The following N4BP1 variants were observed in gnomAD, a reference collection of about 807,000 sequenced individuals.
N4BP1 encodes NEDD4-binding protein 1.
Under a neutral mutation model 70.9 loss-of-function variants are expected in N4BP1, and 21 were observed. The observed-to-expected ratio is 0.30, with a 90% CI of 0.21 to 0.43. The LOEUF (loss-of-function observed/expected upper bound fraction) is 0.43, where lower values mean the gene tolerates loss of function less well. Among genes scored for constraint, N4BP1 ranks in the 20% least tolerant of loss-of-function variants. The probability of loss-of-function intolerance (pLI) is 1.00; values close to 1 mark genes in which losing one functional copy is unlikely to be tolerated. For synonymous variants in N4BP1, 387 were observed against 394.6 expected (o/e 0.98, Z 0.23); for missense variants, 936 against 1,069.4 (o/e 0.88, Z 1.74).
intron 3 of N4BP1, among the ~76,000 whole-genome samples, chr16:48,552,646 C>T (rs12935540): frequency 0.38 from 52,978 of 139,516 alleles, 9,758 homozygotes; most frequent in Admixed American, 0.46. Context: ...TGCAGTGAGC[C>T]GAGATCATGC....
In N4BP1 at chr16:48,543,267, A is replaced by C; in HGVS notation, c.2334-6T>G. Reference sequence around the variant, plus strand: ...TGAGTAGGGGCTGCATATCTCTGTGAATGGAAGTGAGTCCTGGTGAGTTGG... The same window carrying C: ...TGAGTAGGGGCTGCATATCTCTGTGCATGGAAGTGAGTCCTGGTGAGTTGG... On this transcript the variant is annotated splice_polypyrimidine_tract_variant and splice_region_variant and intron_variant, in intron 6 of 6. Coordinates refer to ENST00000262384, the MANE Select transcript of N4BP1 (RefSeq NM_153029.4). 6.6e-7 allele frequency: 1 copy of C among 1,506,826 alleles called. No homozygotes were observed. The highest frequency in any genetic ancestry group is 8.9e-7 in the Non-Finnish European group (1 of 1,127,882). The allele number at this position is 1,506,826 out of a possible 1,614,324, so 93.3% of individuals were successfully genotyped here. A position where few individuals can be genotyped will look rare whatever the true frequency, so the allele number is the denominator to read the frequency against.
In N4BP1 at chr16:48,553,582, T is replaced by C. The variant is rs752656675; in HGVS notation, c.1977A>G (p.Val659=). 1 of 1,608,322 alleles carries C rather than the reference T, an allele frequency of 6.2e-7. No homozygotes were observed. Among genetic ancestry groups the C allele is most frequent in the South Asian group, 1.1e-5 (1 of 89,164 alleles). Residue 659 remains valine, a synonymous_variant, in exon 3 of 7, where the codon GTA becomes GTG. Transcript: ENST00000262384. Reference sequence around the variant, plus strand: ...GCCTTGTTCTCCACTGAGGGACAAATACAGTGATGTTTCTGTTGCCAAGCT... The same window carrying C: ...GCCTTGTTCTCCACTGAGGGACAAACACAGTGATGTTTCTGTTGCCAAGCT... ...FWKLGNRNIT[V]FVPQWRTRRD...
chr16:48,584,244 G>C (rs1479726278), intron 1 of N4BP1, among the ~76,000 whole-genome samples: 2 of 152,164 alleles, frequency 1.3e-5, no homozygotes, highest in African/African-American at 4.8e-5. Flanking sequence ...AAGAAAATCT[G>C]GTTTTAGTCT....
At chr16:48,552,133 G>A (rs971184793) in intron 3 of N4BP1, among the ~76,000 whole-genome samples, 1 of 152,116 alleles carries the variant, frequency 6.6e-6, no homozygotes, top group Non-Finnish European at 1.5e-5. Context: ...AGGGGCAAAT[G>A]GTTCTACCAC....
chr16:48,560,499 C>T (rs569823220), intron 2 of N4BP1: 3 of 414,950 alleles, frequency 7.2e-6, no homozygotes, highest in South Asian at 8.0e-5. Flanking sequence ...AGCAATGCAA[C>T]GTGAAAAGAT....
intron 1 of N4BP1, among the ~76,000 whole-genome samples, chr16:48,597,670 G>A (rs1340943655): frequency 6.6e-6 from 1 of 151,956 alleles, no homozygotes; most frequent in East Asian, 1.9e-4. Context: ...ACCAATGAAT[G>A]ATATCTACAC....
chr16:48,593,997 G>A (rs34813315), intron 1 of N4BP1, among the ~76,000 whole-genome samples: 42,723 of 112,622 alleles, frequency 0.38, 7,739 homozygotes, highest in African/African-American at 0.5. Context: ...GCAAGACTCC[G>A]TCTCAAAAAA....
At chr16:48,584,481 A>G (rs1241361842) in intron 1 of N4BP1, among the ~76,000 whole-genome samples, 1 of 152,224 alleles carries the variant, frequency 6.6e-6, no homozygotes, top group Non-Finnish European at 1.5e-5. Context: ...AAGTTTCTCA[A>G]ACAATCTCTA....
At chr16:48,582,688 G>A (rs1223423608) in intron 1 of N4BP1, among the ~76,000 whole-genome samples, 5 of 151,850 alleles carry the variant, frequency 3.3e-5, no homozygotes, top group Non-Finnish European at 4.4e-5. Context: ...GGGTATCTAC[G>A]TATAGGAAAA....
intron 1 of N4BP1, among the ~76,000 whole-genome samples, chr16:48,567,013 T>C (rs773382937): frequency 4.6e-5 from 7 of 152,254 alleles, no homozygotes; most frequent in African/African-American, 7.2e-5. Context: ...GATAGTAATA[T>C]TGACAATCCA....
Position 48,539,916 on chromosome 16 carries a change from C to T in N4BP1, c.*2988G>A, listed in dbSNP as rs1567421794. The T allele has an allele frequency of 6.6e-6, 1 of 152,364 alleles. No individual in the cohort carries two copies. Among genetic ancestry groups the T allele is most frequent in the Admixed American group, 6.5e-5 (1 of 15,290 alleles). The allele number at this position is 152,364 out of a possible 1,614,324, so 9.4% of individuals were successfully genotyped here. ...GCGGCCTTGCAGCCAGGCACCGGGC[C>T]GTCCCCAAGGGCTGCTCTCAGTCCG... is the stretch of plus-strand genomic sequence containing the variant. On this transcript the variant is annotated 3_prime_UTR_variant, in exon 7 of 7. Transcript: ENST00000262384.
chr16:48,608,725 C>CT (rs1213036207), intron 1 of N4BP1, among the ~76,000 whole-genome samples: 6 of 144,546 alleles, frequency 4.2e-5, no homozygotes, highest in African/African-American at 1.5e-4. Flanking sequence ...TGAGTCACCA[C>CT]TTTGAGTTTC....
chr16:48,597,281 T>C (rs1225742039), intron 1 of N4BP1, among the ~76,000 whole-genome samples: 1 of 152,186 alleles, frequency 6.6e-6, no homozygotes, highest in Non-Finnish European at 1.5e-5. Flanking sequence ...TACATTGGTA[T>C]CAACTTCCTG....
At chr16:48,573,519 G>A (rs1258203157) in intron 1 of N4BP1, among the ~76,000 whole-genome samples, 2 of 152,140 alleles carry the variant, frequency 1.3e-5, no homozygotes, top group African/African-American at 4.8e-5. Context: ...CTTGAACCTG[G>A]GAGGCGGAGG....
chr16:48,573,760 C>T (rs1964055413), intron 1 of N4BP1, among the ~76,000 whole-genome samples: 1 of 152,074 alleles, frequency 6.6e-6, no homozygotes, highest in African/African-American at 2.4e-5. Context: ...GAGGCCTCAC[C>T]AATAACAGAA....
chr16:48,573,168 C>A (rs909457745), intron 1 of N4BP1, among the ~76,000 whole-genome samples: 5 of 150,000 alleles, frequency 3.3e-5, no homozygotes, highest in South Asian at 2.1e-4. Context: ...TACCAAAAAA[C>A]CCCCATAAAT....
At chr16:48,554,173 TAA>T (rs10710139) in intron 2 of N4BP1, among the ~76,000 whole-genome samples, 2,140 of 140,634 alleles carry the variant, frequency 0.015, 43 homozygotes, top group African/African-American at 0.05. Flanking sequence ...GGAAAAAAGG[TAA>T]AAAAAAAAAA....
At chr16:48,553,735 C>T in intron 2 of N4BP1, 66 bp from the exon 3 acceptor site, 1 of 1,312,670 alleles carries the variant, frequency 7.6e-7, no homozygotes, top group Non-Finnish European at 1.0e-6. Context: ...TAAGTTTCAC[C>T]ATGAAAAGTT....
Position 48,576,374 on chromosome 16 carries a change from G to A in N4BP1, c.199-13930C>T, listed in dbSNP as rs1964093687. On this transcript the variant is annotated intron_variant, in intron 1 of 6. Transcript: ENST00000262384. ...AAAATGTCTATGAAGTTCATTCCTG[G>A]AAGGGTGCTTATCTGCCCCATAGGA... Among the ~76,000 whole-genome samples, 3 of 151,928 alleles carry A rather than the reference G, an allele frequency of 2.0e-5. No individual in the cohort carries two copies. The South Asian group carries it at 6.2e-4, about 32-fold the overall frequency.
Sources: allele counts gnomAD v4.1 joint callset (sites outside exome capture counted in the v4.1 genomes callset), GRCh38; gene constraint gnomAD v4.1.1; transcripts MANE v1.5; gene names NCBI Gene and HGNC (gene_info 2026-07-23, HGNC 2026-07-21).